MYO5A: variants seen among roughly 807,000 people sequenced by gnomAD.
The protein encoded by MYO5A is myosin VA, also known as unconventional myosin-Va.
MYO5A carries 98 observed loss-of-function variants against 249.7 expected under a neutral mutation model. The observed-to-expected ratio is 0.39, with a 90% CI of 0.33 to 0.46. The LOEUF is 0.46. Ranked by LOEUF, MYO5A falls within the 20% of genes least tolerant of loss-of-function variation. The pLI is 0.98. For synonymous variants in MYO5A, 778 were observed against 810.6 expected (o/e 0.96, Z 0.68); for missense variants, 1,696 against 2,308.8 (o/e 0.73, Z 5.44).
intron 40 of MYO5A, 50 bp downstream of exon 40, chr15:52,316,998 T>A (rs760722864): frequency 2.2e-5 from 35 of 1,575,632 alleles, no homozygotes; most frequent in East Asian, 2.0e-4. Context: ...TCCCTAAAGA[T>A]CATCTTTGAT....
intron 1 of MYO5A, among the ~76,000 whole-genome samples, chr15:52,455,038 G>T (rs2076091688): frequency 6.6e-6 from 1 of 151,534 alleles, no homozygotes; most frequent in African/African-American, 2.4e-5. Flanking sequence ...GAAACAAAAA[G>T]TTTACTGTTT....
intron 15 of MYO5A, among the ~76,000 whole-genome samples, chr15:52,383,755 A>G (rs1283768684): frequency 6.6e-6 from 1 of 152,094 alleles, no homozygotes; most frequent in African/African-American, 2.4e-5. Flanking sequence ...TCAAAGCCCT[A>G]CTCCCTGTTC....
chr15:52,341,768 T>C lies in MYO5A; in HGVS notation c.4040+1349A>G, dbSNP rs565205831. 6.6e-5 allele frequency among the ~76,000 whole-genome samples: 10 copies of C among 152,270 alleles called. No individual in the cohort carries two copies. In the South Asian group the frequency reaches 2.1e-3, roughly 32 times the overall value. On this transcript the variant is annotated intron_variant, in intron 31 of 41. Coordinates refer to ENST00000399233, the MANE Select transcript of MYO5A (RefSeq NM_001382347.1). ...ACAAAGCAGAATAAGCAGAAGCCCC[T>C]TGAACAAACATTTGAGTGTTTTAAA... is the stretch of plus-strand genomic sequence containing the variant.
At chr15:52,345,089 G>T (rs889098696) in intron 30 of MYO5A, among the ~76,000 whole-genome samples, 1 of 152,058 alleles carries the variant, frequency 6.6e-6, no homozygotes, top group Non-Finnish European at 1.5e-5. Context: ...TGGGTTCCAG[G>T]TCCTCCCTTG....
At position 52,314,223 on chromosome 15, in the gene MYO5A, C is replaced by A. The variant is rs773800063; in HGVS notation, c.5410-20G>T. The A allele has an allele frequency of 2.5e-6, 4 of 1,577,278 alleles. No individual in the cohort carries two copies. In the South Asian group the frequency reaches 4.4e-5, roughly 17 times the overall value. ...CACAATCTGTGAGAAATGAAATGAT[C>A]AAAGTTTTTGGCATATTATCAAATA... On this transcript the variant is annotated intron_variant, in intron 40 of 41. Transcript: ENST00000399233.
In MYO5A at chr15:52,372,322, G is replaced by A; in HGVS notation, c.2619C>T (p.Val873=). The change falls in exon 21 of 42, where the codon GTC becomes GTT. Residue 873 remains valine (V), a synonymous_variant. Coordinates refer to ENST00000399233, the MANE Select transcript of MYO5A (RefSeq NM_001382347.1). ...AGTGTGTGCGGGCCAGCCAGCCCCG[G>A]ACTCGCTTCTGAATGATGACTGCTT... ...EHKAVIIQKR[V]RGWLARTHYK... The A allele has an allele frequency of 6.2e-7, 1 of 1,606,080 alleles. No homozygotes were observed. Among genetic ancestry groups the A allele is most frequent in the Non-Finnish European group, 8.5e-7 (1 of 1,179,974 alleles).
At chr15:52,409,245 T>C (rs1459265840) in intron 6 of MYO5A, among the ~76,000 whole-genome samples, 1 of 152,084 alleles carries the variant, frequency 6.6e-6, no homozygotes, top group Non-Finnish European at 1.5e-5. Context: ...GCTTACTCAC[T>C]TACCTATCAA....
Position 52,472,301 on chromosome 15 carries a change from G to A in MYO5A, c.28-39016C>T, listed in dbSNP as rs545145284. Among the ~76,000 whole-genome samples, 8 of 152,186 alleles carry A rather than the reference G, an allele frequency of 5.3e-5. No individual in the cohort carries two copies. In the South Asian group the frequency reaches 1.5e-3, roughly 28 times the overall value. On this transcript the variant is annotated intron_variant, in intron 1 of 41. Coordinates refer to ENST00000399233, the MANE Select transcript of MYO5A (RefSeq NM_001382347.1). The stretch of plus-strand genomic sequence containing the variant: ...TCACCGTGTTAGCCAGGATGGTCTC[G>A]ATCGCCTGACCTCGTGATCGGCCCA...
chr15:52,307,688 A>C lies in MYO5A; in HGVS notation c.*6008T>G, dbSNP rs2037662521. 6.6e-6 allele frequency: 1 copy of C among 152,194 alleles called. No homozygotes were observed. Among genetic ancestry groups the C allele is most frequent in the Non-Finnish European group, 1.5e-5 (1 of 68,002 alleles). 9.4% of individuals were successfully genotyped at this position (152,194 alleles called of 1,614,324 possible). ...TAGAATTCCTTTTCCAGACCCAACA[A>C]GGAAAAATATTTGAAAACTGCAATG... On this transcript the variant is annotated 3_prime_UTR_variant, in exon 42 of 42. Transcript: ENST00000399233.
At chr15:52,375,242 T>G (rs878917699) in intron 20 of MYO5A, 62 bp downstream of exon 20, 1 of 1,544,910 alleles carries the variant, frequency 6.5e-7, no homozygotes, top group African/African-American at 1.4e-5. Context: ...GTACTCTGTA[T>G]AGATGTGAAA....
intron 1 of MYO5A, among the ~76,000 whole-genome samples, chr15:52,495,032 T>C (rs2077010280): frequency 6.6e-6 from 1 of 152,204 alleles, no homozygotes; most frequent in Admixed American, 6.5e-5. Context: ...TCTTGAGATA[T>C]ATGATATATA....
intron 27 of MYO5A, among the ~76,000 whole-genome samples, chr15:52,353,102 T>C (rs1163775668): frequency 6.6e-6 from 1 of 152,198 alleles, no homozygotes; most frequent in Non-Finnish European, 1.5e-5. Context: ...ATAAGTCTAG[T>C]AGTGTGAGGC....
rs532147425 is a variant in MYO5A at position 52,508,580 on chromosome 15, T to C, written c.27+20200A>G. On this transcript the variant is annotated intron_variant, in intron 1 of 41. Coordinates refer to ENST00000399233, the MANE Select transcript of MYO5A (RefSeq NM_001382347.1). ...CACTGGCCAAGATTACTTGTAGGCA[T>C]ACCATTGGTTCCCTGAATTATTGGG... Among the ~76,000 whole-genome samples the C allele has an allele frequency of 5.9e-5, 9 of 152,186 alleles. No homozygotes were observed. The South Asian group carries it at 6.2e-4, about 11-fold the overall frequency.
chr15:52,316,545 A>G (rs964493982), intron 40 of MYO5A, among the ~76,000 whole-genome samples: 1 of 152,236 alleles, frequency 6.6e-6, no homozygotes, highest in Non-Finnish European at 1.5e-5. Flanking sequence ...CCTTGAAGGC[A>G]GGAATTTTTC....
At chr15:52,503,966 C>T (rs975921151) in intron 1 of MYO5A, among the ~76,000 whole-genome samples, 5 of 151,304 alleles carry the variant, frequency 3.3e-5, no homozygotes, top group African/African-American at 7.3e-5. Flanking sequence ...AGAAACCAGG[C>T]GGAAGTGAAA....
chr15:52,337,692 T>C, intron 33 of MYO5A, 118 bp downstream of exon 33: 1 of 657,410 alleles, frequency 1.5e-6, no homozygotes, highest in Non-Finnish European at 2.5e-6. Context: ...GAGAAACAGG[T>C]TTCGTGAAAA....
At chr15:52,392,511 G>A (rs1191243527) in intron 11 of MYO5A, among the ~76,000 whole-genome samples, 2 of 152,218 alleles carry the variant, frequency 1.3e-5, no homozygotes, top group South Asian at 2.1e-4. Flanking sequence ...TCTCCTAAGG[G>A]ACTGTGGTGC....
chr15:52,333,163 A>AT (rs1475194801), intron 34 of MYO5A, among the ~76,000 whole-genome samples: 1 of 150,920 alleles, frequency 6.6e-6, no homozygotes, highest in Non-Finnish European at 1.5e-5. Context: ...TGTTCTTTAT[A>AT]AATCACCCAG....
intron 30 of MYO5A, among the ~76,000 whole-genome samples, chr15:52,344,288 C>T (rs1428246892): frequency 6.6e-6 from 1 of 152,264 alleles, no homozygotes; most frequent in East Asian, 1.9e-4. Flanking sequence ...GATTTATATA[C>T]TCAACTGCCT....
Sources: allele counts gnomAD v4.1 joint callset (sites outside exome capture counted in the v4.1 genomes callset), GRCh38; gene constraint gnomAD v4.1.1; transcripts MANE v1.5; gene names NCBI Gene and HGNC (gene_info 2026-07-23, HGNC 2026-07-21).